Variants in EXTL2 observed in about 807,000 individuals in gnomAD.
The protein encoded by EXTL2 is exostosin like glycosyltransferase 2.
Under a neutral mutation model 30.7 loss-of-function variants are expected in EXTL2, and 23 were observed. That is an observed-to-expected ratio of 0.75 (90% CI 0.54 to 1.06). The LOEUF (loss-of-function observed/expected upper bound fraction) is 1.06, where lower values mean the gene tolerates loss of function less well. Among genes scored for constraint, EXTL2 ranks in the 50% least tolerant of loss-of-function variants. EXTL2 has a pLI of 0.00. For synonymous variants in EXTL2, 123 were observed against 133.8 expected, an observed-to-expected ratio of 0.92 and a Z score of 0.56; for missense variants, 352 against 396.3, an observed-to-expected ratio of 0.89 and a Z score of 0.95.
At chr1:100,879,301 T>A (rs984377860) in intron 2 of EXTL2, among the ~76,000 whole-genome samples, 2 of 152,164 alleles carry the variant, frequency 1.3e-5, no homozygotes, top group Non-Finnish European at 2.9e-5. Flanking sequence ...TTAGGTATGG[T>A]CCTTGTTTTG....
Position 100,872,774 on chromosome 1 carries a change from G to C in EXTL2, c.*1168C>G, listed in dbSNP as rs1200410959. On this transcript the variant is annotated 3_prime_UTR_variant, in exon 5 of 5. Coordinates refer to ENST00000370114, the MANE Select transcript of EXTL2 (RefSeq NM_001033025.3). ...TAGTTAAGAATTCCTTGCCTTAGTG[G>C]TGAACAAGGACTAAACACAGACAAT... 6.6e-6 allele frequency: 1 copy of C among 152,032 alleles called. No individual in the cohort carries two copies. Among genetic ancestry groups the C allele is most frequent in the African/African-American group, 2.4e-5 (1 of 41,402 alleles). 9.4% of individuals were successfully genotyped at this position (152,032 alleles called of 1,614,324 possible).
intron 2 of EXTL2, chr1:100,878,364 T>C (rs181802464): frequency 2.1e-6 from 1 of 470,344 alleles, no homozygotes; most frequent in East Asian, 7.0e-5. Flanking sequence ...CCCTGTACTA[T>C]GTGCTTCATA....
At chr1:100,891,725 G>T (rs1426233748) in intron 1 of EXTL2, among the ~76,000 whole-genome samples, 1 of 152,202 alleles carries the variant, frequency 6.6e-6, no homozygotes, top group African/African-American at 2.4e-5. Flanking sequence ...AGAGTAACTG[G>T]AAAAGTTGCA....
At chr1:100,880,316 T>A (rs1649456844) in intron 2 of EXTL2, among the ~76,000 whole-genome samples, 1 of 152,232 alleles carries the variant, frequency 6.6e-6, no homozygotes, top group East Asian at 1.9e-4. Flanking sequence ...TTTTCAACAG[T>A]CCAGATTTGA....
intron 2 of EXTL2, among the ~76,000 whole-genome samples, chr1:100,884,109 GC>G (rs1393748955): frequency 1.3e-5 from 2 of 152,166 alleles, no homozygotes; most frequent in African/African-American, 4.8e-5. Flanking sequence ...AAACAAACAT[GC>G]CAGTGCACAG....
At chr1:100,887,516 T>C (rs915096178) in intron 2 of EXTL2, among the ~76,000 whole-genome samples, 1 of 152,190 alleles carries the variant, frequency 6.6e-6, no homozygotes, top group Admixed American at 6.5e-5. Flanking sequence ...CTTCATGTTA[T>C]AGATTACCTC....
At chr1:100,875,886 G>T (rs1269918248) in intron 4 of EXTL2, among the ~76,000 whole-genome samples, 1 of 151,946 alleles carries the variant, frequency 6.6e-6, no homozygotes, top group Non-Finnish European at 1.5e-5. Flanking sequence ...TTTTGTCCAA[G>T]AAGCTTTCAT....
At chr1:100,887,847 C>T (rs768603342) in intron 2 of EXTL2, among the ~76,000 whole-genome samples, 6 of 152,102 alleles carry the variant, frequency 3.9e-5, no homozygotes, top group Non-Finnish European at 7.4e-5. Flanking sequence ...TACAGGCGTC[C>T]GCCATCACAC....
chr1:100,888,316 G>T (rs376663658), intron 2 of EXTL2: 11 of 153,520 alleles, frequency 7.2e-5, no homozygotes, highest in African/African-American at 2.4e-4. Flanking sequence ...ACAGATGAAT[G>T]GATAATACAT....
At chr1:100,879,012 G>A (rs553761802) in intron 2 of EXTL2, among the ~76,000 whole-genome samples, 1 of 152,138 alleles carries the variant, frequency 6.6e-6, no homozygotes, top group Non-Finnish European at 1.5e-5. Flanking sequence ...GATAGCCATA[G>A]AACAGTAGTG....
intron 2 of EXTL2, among the ~76,000 whole-genome samples, chr1:100,880,418 C>T (rs1380896929): frequency 1.3e-5 from 2 of 152,078 alleles, no homozygotes; most frequent in African/African-American, 4.8e-5. Context: ...TTAAAAAGAG[C>T]AATTTTGTGT....
At chr1:100,889,192 A>G (rs1169668886) in intron 1 of EXTL2, among the ~76,000 whole-genome samples, 1 of 152,240 alleles carries the variant, frequency 6.6e-6, no homozygotes, top group African/African-American at 2.4e-5. Context: ...CGGAAGATGA[A>G]GCAGGCACCT....
chr1:100,889,435 G>A (rs1335103390), intron 1 of EXTL2, among the ~76,000 whole-genome samples: 4 of 152,062 alleles, frequency 2.6e-5, no homozygotes, highest in African/African-American at 9.7e-5. Context: ...TTCTACCCCG[G>A]CCCCTCCTAA....
chr1:100,884,909 T>C (rs1033080085), intron 2 of EXTL2, among the ~76,000 whole-genome samples: 2 of 152,238 alleles, frequency 1.3e-5, no homozygotes, highest in African/African-American at 4.8e-5. Flanking sequence ...GCCCATTTTT[T>C]GACTCAGTGC....
intron 2 of EXTL2, chr1:100,878,573 G>T (rs1649314280): frequency 2.4e-6 from 1 of 420,622 alleles, no homozygotes; most frequent in Admixed American, 2.6e-5. Flanking sequence ...GGTATGAAGA[G>T]AATCTGTTTA....
intron 1 of EXTL2, among the ~76,000 whole-genome samples, chr1:100,890,067 C>T (rs1427166467): frequency 1.3e-5 from 2 of 152,230 alleles, no homozygotes; most frequent in Non-Finnish European, 2.9e-5. Context: ...GAGGGCTCCA[C>T]CCCTGCAGCA....
At chr1:100,874,641 A>C (rs1376564021) in intron 4 of EXTL2, among the ~76,000 whole-genome samples, 3 of 152,046 alleles carry the variant, frequency 2.0e-5, no homozygotes, top group African/African-American at 7.2e-5. Context: ...CAACCCAAAC[A>C]TCTCTGAAAA....
chr1:100,889,137 T>A (rs1026832844), intron 1 of EXTL2, among the ~76,000 whole-genome samples: 3 of 152,206 alleles, frequency 2.0e-5, no homozygotes, highest in African/African-American at 7.2e-5. Flanking sequence ...GAGGTTTAAT[T>A]GACTCATAGT....
intron 2 of EXTL2, chr1:100,885,460 G>A (rs974377066): frequency 2.6e-5 from 4 of 152,144 alleles, no homozygotes; most frequent in African/African-American, 9.7e-5. Context: ...TTACTTGGTT[G>A]AGAAAAGAAA....
Sources: gnomAD v4.1 joint callset for allele counts (sites outside exome capture counted in the v4.1 genomes callset) on GRCh38, gnomAD v4.1.1 for gene constraint, MANE v1.5 for transcripts, NCBI Gene and HGNC (gene_info 2026-07-23, HGNC 2026-07-21) for gene names.